The following LRRC37A2 variants were observed in gnomAD, a reference collection of about 807,000 sequenced individuals.
LRRC37A2 encodes the protein leucine-rich repeat-containing protein 37A2.
LRRC37A2 carries 9 observed loss-of-function variants against 68.8 expected under a neutral mutation model. The observed-to-expected ratio is 0.13, with a 90% CI of 0.08 to 0.23. LRRC37A2 has a LOEUF of 0.23. Ranked by LOEUF, LRRC37A2 falls within the 10% of genes least tolerant of loss-of-function variation. The pLI is 1.00. For synonymous variants in LRRC37A2, 63 were observed against 367.6 expected (o/e 0.17, Z 9.48); for missense variants, 168 against 950.4 (o/e 0.18, Z 10.82).
chr17:46,601,874 C>G, the LRRC37A2 span, among the ~76,000 whole-genome samples: 3 of 146,654 alleles, frequency 2.0e-5, no homozygotes, highest in Admixed American at 6.7e-5. Context: ...AATCCCCACT[C>G]CTTTAAAAAA....
At chr17:46,716,276 A>G in the LRRC37A2 span, among the ~76,000 whole-genome samples, 1 of 123,808 alleles carries the variant, frequency 8.1e-6, no homozygotes, top group African/African-American at 2.9e-5. Flanking sequence ...TTTTTTTTTG[A>G]GATGGAGTCT....
At chr17:46,839,942 T>TTCTC in the LRRC37A2 span, among the ~76,000 whole-genome samples, 1 of 149,520 alleles carries the variant, frequency 6.7e-6, no homozygotes, top group Non-Finnish European at 1.5e-5. Flanking sequence ...CTTTCTTTCT[T>TTCTC]TCTTTCTTTC....
chr17:47,037,015 C>T, the LRRC37A2 span, among the ~76,000 whole-genome samples: 8 of 129,490 alleles, frequency 6.2e-5, no homozygotes, highest in South Asian at 3.0e-4. Flanking sequence ...GTTAGCAGGG[C>T]GCAGTGGCTC....
the LRRC37A2 span, among the ~76,000 whole-genome samples, chr17:46,811,703 C>G: frequency 1.3e-5 from 2 of 152,160 alleles, no homozygotes; most frequent in East Asian, 3.9e-4. Context: ...GCCTATAATC[C>G]CAGCACTTTG....
At chr17:46,932,576 G>T in the LRRC37A2 span, 1 of 469,726 alleles carries the variant, frequency 2.1e-6, no homozygotes, top group East Asian at 3.6e-5. Context: ...AGCTGCCTGC[G>T]GGCAGTTGCC....
chr17:46,745,212 A>G, the LRRC37A2 span, among the ~76,000 whole-genome samples: 1 of 152,204 alleles, frequency 6.6e-6, no homozygotes, highest in African/African-American at 2.4e-5. Context: ...GACGAATCCC[A>G]TGCAATGTAT....
At chr17:46,421,040 C>G in the LRRC37A2 span, among the ~76,000 whole-genome samples, 6 of 68,560 alleles carry the variant, frequency 8.8e-5, no homozygotes, top group Admixed American at 8.1e-4. Context: ...CTCAGGTGAT[C>G]CATCCGCCTT....
At chr17:46,503,415 C>T in the LRRC37A2 span, among the ~76,000 whole-genome samples, 1 of 145,518 alleles carries the variant, frequency 6.9e-6, no homozygotes, top group South Asian at 2.1e-4. Context: ...TCCTCTGGCA[C>T]TTATGGAGCT....
chr17:47,014,390 G>A, the LRRC37A2 span, among the ~76,000 whole-genome samples: 27 of 127,144 alleles, frequency 2.1e-4, no homozygotes, highest in South Asian at 6.6e-3. Context: ...ACTCCATCTC[G>A]AGAAAAAAAA....
chr17:46,793,753 C>T, the LRRC37A2 span, among the ~76,000 whole-genome samples: 2 of 152,212 alleles, frequency 1.3e-5, no homozygotes, highest in Non-Finnish European at 2.9e-5. Flanking sequence ...TTCCCAGCAC[C>T]TTCCAACCTG....
the LRRC37A2 span, chr17:46,938,905 T>G: frequency 6.5e-7 from 1 of 1,530,206 alleles, no homozygotes; most frequent in Non-Finnish European, 8.8e-7. Context: ...TGTGGTCTAA[T>G]TTCCAACCTG....
chr17:46,890,214 T>C, the LRRC37A2 span, among the ~76,000 whole-genome samples: 10 of 152,184 alleles, frequency 6.6e-5, no homozygotes. Context: ...CAGTTCAGAT[T>C]AGAGCCCATT....
At chr17:46,934,016 G>C in the LRRC37A2 span, among the ~76,000 whole-genome samples, 2 of 151,960 alleles carry the variant, frequency 1.3e-5, no homozygotes, top group African/African-American at 2.4e-5. Context: ...AAAGAGAAGG[G>C]AACGCTCTCA....
the LRRC37A2 span, among the ~76,000 whole-genome samples, chr17:47,006,602 ACT>A: frequency 1.1e-4 from 16 of 152,086 alleles, no homozygotes; most frequent in Admixed American, 1.0e-3. Flanking sequence ...ACAGAGCAAG[ACT>A]CTGTCTCAAA....
the LRRC37A2 span, among the ~76,000 whole-genome samples, chr17:46,771,546 C>T: frequency 1.3e-5 from 2 of 148,900 alleles, no homozygotes; most frequent in East Asian, 4.0e-4. Context: ...CTGACAGCCC[C>T]GCTGTGCCTT....
At chr17:46,969,360 A>T in the LRRC37A2 span, among the ~76,000 whole-genome samples, 2 of 152,184 alleles carry the variant, frequency 1.3e-5, no homozygotes, top group Non-Finnish European at 2.9e-5. Context: ...AGCAGGAAGG[A>T]GGGTGGTGGG....
At chr17:46,940,689 G>C in the LRRC37A2 span, 1 of 1,610,644 alleles carries the variant, frequency 6.2e-7, no homozygotes, top group Non-Finnish European at 8.5e-7. Context: ...ATCTTTTCGT[G>C]GTGTGCACCA....
chr17:47,016,406 C>A, the LRRC37A2 span, among the ~76,000 whole-genome samples: 1 of 143,260 alleles, frequency 7.0e-6, no homozygotes, highest in African/African-American at 2.7e-5. Flanking sequence ...TAGTTACAGT[C>A]GCATTTCAGG....
At chr17:46,485,956 G>C in the LRRC37A2 span, among the ~76,000 whole-genome samples, 1 of 77,862 alleles carries the variant, frequency 1.3e-5, no homozygotes, top group East Asian at 2.5e-4. Flanking sequence ...CCAGCCTGGG[G>C]GACAGAGTGA....
Sources: allele counts gnomAD v4.1 joint callset (sites outside exome capture counted in the v4.1 genomes callset), GRCh38; gene constraint gnomAD v4.1.1; transcripts MANE v1.5; gene names NCBI Gene and HGNC (gene_info 2026-07-23, HGNC 2026-07-21).